Variants in CLSTN2 observed in about 807,000 individuals in gnomAD.
CLSTN2 encodes calsyntenin 2, also known as calsyntenin-2.
CLSTN2 carries 48 observed loss-of-function variants against 101.2 expected under a neutral mutation model. That is an observed-to-expected ratio of 0.47 (90% CI 0.38 to 0.60). The LOEUF is 0.60. Among genes scored for constraint, CLSTN2 ranks in the 20% least tolerant of loss-of-function variants. CLSTN2 has a pLI of 0.00. For missense variants in CLSTN2, 1,160 were observed against 1,238.2 expected (o/e 0.94, Z 0.95); for synonymous variants, 481 against 463.6 (o/e 1.04, Z -0.48).
At chr3:140,168,543 G>A (rs953415787) in intron 1 of CLSTN2, among the ~76,000 whole-genome samples, 6 of 151,822 alleles carry the variant, frequency 4.0e-5, no homozygotes, top group African/African-American at 1.5e-4. Context: ...CTTTTATGGG[G>A]CATGCTTTTT....
In CLSTN2 at chr3:140,134,448, C is replaced by A. The variant is rs539709475; in HGVS notation, c.110-41503C>A. On this transcript the variant is annotated intron_variant, in intron 1 of 16. Transcript: ENST00000458420. ...TCCAACCCCCACCCCACCCATCTGGCCTCCTGGGAAGAGCAACCATGCGTG... is the reference window on the plus strand; with the variant it reads ...TCCAACCCCCACCCCACCCATCTGGACTCCTGGGAAGAGCAACCATGCGTG... Among the ~76,000 whole-genome samples the A allele has an allele frequency of 5.3e-5, 8 of 152,256 alleles. No homozygotes were observed. In the South Asian group the frequency reaches 1.7e-3, roughly 32 times the overall value.
At chr3:140,067,923 T>C (rs1254798514) in intron 1 of CLSTN2, among the ~76,000 whole-genome samples, 1 of 152,214 alleles carries the variant, frequency 6.6e-6, no homozygotes, top group African/African-American at 2.4e-5. Context: ...AAATGCTGCC[T>C]CTTGTCAGAA....
intron 1 of CLSTN2, among the ~76,000 whole-genome samples, chr3:140,081,930 T>A (rs1318358648): frequency 2.0e-5 from 3 of 152,190 alleles, no homozygotes; most frequent in Non-Finnish European, 4.4e-5. Flanking sequence ...TAACTACCTA[T>A]TGGCTGATTC....
At chr3:140,317,855 C>T (rs2087243868) in intron 2 of CLSTN2, among the ~76,000 whole-genome samples, 1 of 152,160 alleles carries the variant, frequency 6.6e-6, no homozygotes, top group Admixed American at 6.5e-5. Context: ...CTTTTAGAGA[C>T]TGCATCACCT....
chr3:140,533,675 C>A (rs908941732), intron 9 of CLSTN2, among the ~76,000 whole-genome samples: 1 of 143,700 alleles, frequency 7.0e-6, no homozygotes, highest in African/African-American at 2.7e-5. Flanking sequence ...CGCGCCACTG[C>A]ACTCCAGCCT....
intron 1 of CLSTN2, among the ~76,000 whole-genome samples, chr3:140,089,231 A>G (rs1350775942): frequency 6.6e-6 from 1 of 151,828 alleles, no homozygotes; most frequent in Non-Finnish European, 1.5e-5. Context: ...TTTGGGCCTT[A>G]TTTTTCTCTG....
chr3:140,279,767 ATAGCTCCTAT>A (rs1232713797), intron 2 of CLSTN2, among the ~76,000 whole-genome samples: 5 of 152,208 alleles, frequency 3.3e-5, no homozygotes, highest in African/African-American at 1.2e-4. Context: ...AAATGGGCCA[ATAGCTCCTAT>A]TGGCATTCCT....
chr3:140,176,253 G>A (rs2010323140), intron 2 of CLSTN2, among the ~76,000 whole-genome samples, 180 bp downstream of exon 2: 1 of 152,152 alleles, frequency 6.6e-6, no homozygotes, highest in South Asian at 2.1e-4. Flanking sequence ...CTGTCCTTAT[G>A]TTTTTGTTTG....
chr3:140,301,145 T>A (rs2087054787), intron 2 of CLSTN2, among the ~76,000 whole-genome samples: 2 of 152,212 alleles, frequency 1.3e-5, no homozygotes. Flanking sequence ...AATCCACTAA[T>A]GCTATCCAGA....
intron 2 of CLSTN2, among the ~76,000 whole-genome samples, chr3:140,258,942 A>G (rs1008264133): frequency 6.6e-6 from 1 of 152,206 alleles, no homozygotes; most frequent in African/African-American, 2.4e-5. Flanking sequence ...CAGATATGTA[A>G]GTCATGTATA....
rs1408733771 is a variant in CLSTN2 at position 140,378,092 on chromosome 3, A to G, written c.233-25537A>G. Among the ~76,000 whole-genome samples, 5 of 152,350 alleles carry G rather than the reference A, an allele frequency of 3.3e-5. No homozygotes were observed. In the East Asian group the frequency reaches 9.6e-4, roughly 29 times the overall value. ...TTGCTGTACAGATTTGTTGCCTGTG[A>G]ACAACAGGCTACACCATATAGCCTA... is the stretch of plus-strand genomic sequence containing the variant. On this transcript the variant is annotated intron_variant, in intron 2 of 16. Transcript: ENST00000458420.
At chr3:139,993,092 G>C (rs1936143654) in intron 1 of CLSTN2, among the ~76,000 whole-genome samples, 1 of 152,094 alleles carries the variant, frequency 6.6e-6, no homozygotes. Context: ...AATTTCTGTT[G>C]TGTGTGTGTA....
At chr3:139,998,873 C>G (rs9838648) in intron 1 of CLSTN2, among the ~76,000 whole-genome samples, 151,133 of 152,312 alleles carry the variant, frequency 0.99, 74,995 homozygotes, top group East Asian at 1. Flanking sequence ...GTCACACACA[C>G]AGGCTACATA....
At chr3:140,272,520 T>G (rs1196965950) in intron 2 of CLSTN2, among the ~76,000 whole-genome samples, 1 of 152,102 alleles carries the variant, frequency 6.6e-6, no homozygotes, top group Non-Finnish European at 1.5e-5. Context: ...GAGGCCAAGG[T>G]GGGTGGATCA....
chr3:140,222,967 C>A (rs1026773871), intron 2 of CLSTN2, among the ~76,000 whole-genome samples: 1 of 151,602 alleles, frequency 6.6e-6, no homozygotes, highest in Non-Finnish European at 1.5e-5. Context: ...AAATAAATGT[C>A]CTCATTTTTA....
At chr3:140,177,247 C>T (rs1576456614) in intron 2 of CLSTN2, among the ~76,000 whole-genome samples, 3 of 152,096 alleles carry the variant, frequency 2.0e-5, no homozygotes, top group African/African-American at 7.2e-5. Context: ...TTCCCAATCA[C>T]CCTTAGAAGT....
intron 1 of CLSTN2, among the ~76,000 whole-genome samples, chr3:140,097,860 G>A (rs1371700440): frequency 6.6e-6 from 1 of 152,130 alleles, no homozygotes; most frequent in Non-Finnish European, 1.5e-5. Context: ...ATGCAAATGG[G>A]CAGCTTTGAT....
chr3:140,556,957 T>G (rs754274295), intron 11 of CLSTN2: 3 of 336,898 alleles, frequency 8.9e-6, no homozygotes, highest in Non-Finnish European at 1.7e-5. Context: ...TGAAGTGATC[T>G]GGGTGTGCGT....
At chr3:140,117,426 T>C (rs1042241301) in intron 1 of CLSTN2, among the ~76,000 whole-genome samples, 4 of 152,124 alleles carry the variant, frequency 2.6e-5, no homozygotes, top group African/African-American at 4.8e-5. Context: ...AAAACAGAGC[T>C]AACAGTACCT....
Sources: gnomAD v4.1 joint callset for allele counts (sites outside exome capture counted in the v4.1 genomes callset) on GRCh38, gnomAD v4.1.1 for gene constraint, MANE v1.5 for transcripts, NCBI Gene and HGNC (gene_info 2026-07-23, HGNC 2026-07-21) for gene names.